TRIM37: variants seen among roughly 807,000 people sequenced by gnomAD.
The protein encoded by TRIM37 is E3 ubiquitin-protein ligase TRIM37.
A neutral mutation model predicts 129.8 loss-of-function variants in TRIM37; 80 were observed. The observed-to-expected ratio is 0.62, with a 90% CI of 0.51 to 0.74. The LOEUF (loss-of-function observed/expected upper bound fraction) is 0.74. Among genes scored for constraint, TRIM37 ranks in the 30% least tolerant of loss-of-function variants. The probability of loss-of-function intolerance (pLI) is 0.00; values close to 1 mark genes in which losing one functional copy is unlikely to be tolerated. For synonymous variants in TRIM37, 389 were observed against 387.1 expected, an observed-to-expected ratio of 1.00 and a Z score of -0.06; for missense variants, 1,054 against 1,176.5, an observed-to-expected ratio of 0.90 and a Z score of 1.52.
At chr17:58,980,344 C>A, downstream of TRIM37, 11 of 1,614,110 alleles carry the variant, frequency 6.8e-6, no homozygotes, top group Non-Finnish European at 9.3e-6. The surrounding 1 kb of genome is among the most constrained non-coding windows in gnomAD (Gnocchi z 4.7). Flanking sequence ...AGTGCAAACG[C>A]CCTTGGCCTC....
At position 59,016,599 on chromosome 17, in the gene TRIM37, C is replaced by CAAAAA. The variant is rs57582105; in HGVS notation, c.2386+692_2386+696dup. ...ACAATGTAGCAAAACCCTGTCTCGGCAAAAAAAAAAAAAAAAAAAAAAAAA... is the reference window on the plus strand; with the variant it reads ...ACAATGTAGCAAAACCCTGTCTCGGCAAAAAAAAAAAAAAAAAAAAAAAAAAAAAA... On this transcript the variant is annotated intron_variant, in intron 20 of 23. Transcript: ENST00000262294. Among the ~76,000 whole-genome samples the CAAAAA allele has an allele frequency of 2.4e-4, 5 of 20,766 alleles. 1 individual carries two copies. Among genetic ancestry groups the CAAAAA allele is most frequent in the Non-Finnish European group, 4.0e-4 (5 of 12,656 alleles). The allele number at this position is 20,766 out of a possible 152,430, so 13.6% of individuals were successfully genotyped here. A position where few individuals can be genotyped will look rare whatever the true frequency, so the allele number is the denominator to read the frequency against.
At position 59,028,437 on chromosome 17, in the gene TRIM37, A is replaced by G. The variant is rs747693915; in HGVS notation, c.2235T>C (p.Val745=). ...TACAGTTTCGTATGTAACAATTGGC[A>G]ACTGATGACTTTGCCAGGAGTTCCA... The part of the protein sequence containing the change: ...LGMELLAKSS[V]ANCYIRNSTN... The change falls in exon 19 of 24, where the codon GTT becomes GTC. Residue 745 remains valine (V), a synonymous_variant. Transcript: ENST00000262294. 23 of 1,613,336 alleles carry G rather than the reference A, an allele frequency of 1.4e-5. No homozygotes were observed. The highest frequency in any genetic ancestry group is 1.7e-6 in the Non-Finnish European group (2 of 1,180,044).
At chr17:58,981,702 T>C (rs1360870307), downstream of TRIM37, 1 of 152,664 alleles carries the variant, frequency 6.6e-6, no homozygotes, top group Non-Finnish European at 1.5e-5. Context: ...TTAAAAAATA[T>C]TTCCTAGGGC....
chr17:58,995,278 T>C (rs573600198), downstream of TRIM37, among the ~76,000 whole-genome samples: 1 of 152,100 alleles, frequency 6.6e-6, no homozygotes, highest in Admixed American at 6.6e-5. Context: ...TAATAATAAA[T>C]ATGTGGCATC....
chr17:58,996,828 G>GTA (rs1451096154), downstream of TRIM37, among the ~76,000 whole-genome samples: 2 of 149,172 alleles, frequency 1.3e-5, no homozygotes, highest in African/African-American at 5.0e-5. Flanking sequence ...GTGTATGTAT[G>GTA]TATATATATG....
At chr17:58,997,089 C>T (rs570904234), downstream of TRIM37, among the ~76,000 whole-genome samples, 1 of 152,186 alleles carries the variant, frequency 6.6e-6, no homozygotes, top group South Asian at 2.1e-4. Context: ...AGACCGGATC[C>T]TAGAACAGAA....
chr17:59,070,734 G>T (rs1028416724), intron 9 of TRIM37, 89 bp downstream of exon 9: 30 of 1,356,542 alleles, frequency 2.2e-5, no homozygotes, highest in Non-Finnish European at 2.9e-5. Flanking sequence ...GAGAGAGATG[G>T]CATTAAAAAA....
At position 59,017,330 on chromosome 17, in the gene TRIM37, A is replaced by C; in HGVS notation, c.2352T>G (p.Ser784Arg). ...GAGTCTGACAGTCTCCCTTTGAACG[A>C]CTATTTTCTCCAGGGTCCACTGCTC... ...LRRAVDPGEN[S>R]RSKGDCQTLS... The change falls in exon 20 of 24, where the codon AGT (serine) becomes AGG (arginine). Residue 784 changes from serine to arginine, a missense_variant. Physicochemically the swap from Ser to Arg is moderately radical, Grantham distance 110. This residue lies in a region of TRIM37 where 287 missense variants were observed against 274.3 expected (regional missense o/e 1.05). Transcript: ENST00000262294. 1 of 1,614,178 alleles carries C rather than the reference A, an allele frequency of 6.2e-7. No individual in the cohort carries two copies. The highest frequency in any genetic ancestry group is 8.5e-7 in the Non-Finnish European group (1 of 1,180,018).
intron 21 of TRIM37, among the ~76,000 whole-genome samples, chr17:59,013,845 C>CTT (rs1308957706): frequency 6.6e-6 from 1 of 151,974 alleles, no homozygotes; most frequent in Non-Finnish European, 1.5e-5. Flanking sequence ...AGTATTTAAA[C>CTT]TTTTTGCTTA....
At chr17:59,065,504 A>G (rs2041855418) in intron 9 of TRIM37, among the ~76,000 whole-genome samples, 1 of 152,230 alleles carries the variant, frequency 6.6e-6, no homozygotes, top group Non-Finnish European at 1.5e-5. Flanking sequence ...ACTGTATTAT[A>G]ATCACAGAAT....
chr17:59,006,939 T>C (rs2034558498), intron 22 of TRIM37, among the ~76,000 whole-genome samples: 1 of 151,884 alleles, frequency 6.6e-6, no homozygotes, highest in South Asian at 2.1e-4. Context: ...CCACTTTCCT[T>C]GACAGTGGCT....
In TRIM37 at chr17:59,042,472, A is replaced by C. The variant is rs1371915747; in HGVS notation, c.1668-574T>G. Among the ~76,000 whole-genome samples, 80 of 125,364 alleles carry C rather than the reference A, an allele frequency of 6.4e-4. 1 individual carries two copies. In the East Asian group the frequency reaches 0.013, roughly 20 times the overall value. 82.2% of individuals were successfully genotyped at this position (125,364 alleles called of 152,430 possible). On this transcript the variant is annotated intron_variant, in intron 16 of 23. Transcript: ENST00000262294. ...AAAATATATATATATATATATATAT[A>C]TATCTCAAGGCCGGGCGCAGTGACT...
rs774250815 is a variant in TRIM37, at chr17:59,104,375, CG to C, written c.40del (p.Arg14AspfsTer31). 2 of 1,614,126 alleles carry C rather than the reference CG, an allele frequency of 1.2e-6. No individual in the cohort carries two copies. Among genetic ancestry groups the C allele is most frequent in the Admixed American group, 3.3e-5 (2 of 60,020 alleles). On this transcript the variant is annotated frameshift_variant, in exon 2 of 24. Transcript: ENST00000262294. LOFTEE classifies it high-confidence loss of function. ...CAATTTCTCCATACAAATGAAACAT[CG>C]GAAAACCTCAGCAATGCTCTGAAAA... ...QSVESIAEVF[R>X]CFICMEKLRD...
chr17:59,062,457 G>T, intron 11 of TRIM37, 110 bp downstream of exon 11: 1 of 880,808 alleles, frequency 1.1e-6, no homozygotes, highest in Non-Finnish European at 1.8e-6. Flanking sequence ...GACAGCATAT[G>T]TAACAAAAAA....
At chr17:59,072,923 T>C (rs1208781988) in intron 8 of TRIM37, among the ~76,000 whole-genome samples, 1 of 152,188 alleles carries the variant, frequency 6.6e-6, no homozygotes, top group Non-Finnish European at 1.5e-5. Context: ...TTATTATGTG[T>C]CAGGCATTGC....
chr17:59,015,467 A>C, intron 21 of TRIM37, 143 bp downstream of exon 21: 2 of 907,348 alleles, frequency 2.2e-6, no homozygotes, highest in East Asian at 2.5e-5. Context: ...AAAAAAGTTA[A>C]AATTTAGTGC....
chr17:59,041,594 T>C (rs1048867067), intron 17 of TRIM37, among the ~76,000 whole-genome samples: 2 of 152,340 alleles, frequency 1.3e-5, no homozygotes, highest in Admixed American at 1.3e-4. Flanking sequence ...TTAAAGTGCT[T>C]CTCACAGTGC....
intron 2 of TRIM37, among the ~76,000 whole-genome samples, chr17:59,101,041 A>G (rs1428685375): frequency 6.6e-6 from 1 of 151,532 alleles, no homozygotes; most frequent in African/African-American, 2.4e-5. Context: ...AAAAAAAAGA[A>G]CAAAACAAAC....
chr17:59,080,936 G>C (rs2043202475), intron 6 of TRIM37, among the ~76,000 whole-genome samples, 161 bp downstream of exon 6: 1 of 151,962 alleles, frequency 6.6e-6, no homozygotes, highest in Non-Finnish European at 1.5e-5. Context: ...AAATTTCTCA[G>C]ATACTCTGAA....
Sources: gnomAD v4.1 joint callset for allele counts (sites outside exome capture counted in the v4.1 genomes callset) on GRCh38, gnomAD v4.1.1 for gene constraint, gnomAD v4.1.1 regional missense constraint, Gnocchi (gnomAD v3.1) non-coding constraint, MANE v1.5 for transcripts, NCBI Gene and HGNC (gene_info 2026-07-23, HGNC 2026-07-21) for gene names.